SLX4IP: variants seen among roughly 807,000 people sequenced by gnomAD.
The protein encoded by SLX4IP is SLX4 interacting protein.
Under a neutral mutation model 32.9 loss-of-function variants are expected in SLX4IP, and 34 were observed. The observed-to-expected ratio is 1.03, with a 90% CI of 0.79 to 1.38. The LOEUF is 1.38. Among genes scored for constraint, SLX4IP ranks in the 40% most tolerant of loss-of-function variants. SLX4IP has a pLI of 0.00. For missense variants in SLX4IP, 444 were observed against 479.0 expected, an observed-to-expected ratio of 0.93 and a Z score of 0.68; for synonymous variants, 172 against 171.7, an observed-to-expected ratio of 1.00 and a Z score of -0.01.
intron 2 of SLX4IP, among the ~76,000 whole-genome samples, chr20:10,522,822 C>A (rs2065911044): frequency 6.6e-6 from 1 of 152,210 alleles, no homozygotes; most frequent in Admixed American, 6.5e-5. Flanking sequence ...ATCTCTCCTA[C>A]CCCATGGCAC....
chr20:10,607,279 A>ACCCGCT (rs2066915707), intron 6 of SLX4IP, among the ~76,000 whole-genome samples: 1 of 152,126 alleles, frequency 6.6e-6, no homozygotes, highest in Admixed American at 6.5e-5. Context: ...GATGACACTA[A>ACCCGCT]GATATTTGGG....
intron 2 of SLX4IP, among the ~76,000 whole-genome samples, chr20:10,538,902 G>A (rs555240796): frequency 6.6e-6 from 1 of 152,306 alleles, no homozygotes; most frequent in African/African-American, 2.4e-5. Flanking sequence ...GGCACACAGT[G>A]GATTGCAGCC....
At chr20:10,473,963 C>T (rs1052314666) in intron 2 of SLX4IP, among the ~76,000 whole-genome samples, 2 of 152,128 alleles carry the variant, frequency 1.3e-5, no homozygotes, top group Non-Finnish European at 2.9e-5. Flanking sequence ...GCTGGGATTA[C>T]AGACACACGC....
intron 4 of SLX4IP, among the ~76,000 whole-genome samples, chr20:10,588,649 G>A (rs372039311): frequency 1.3e-5 from 2 of 152,322 alleles, no homozygotes; most frequent in South Asian, 4.1e-4. Flanking sequence ...CATGAAGTAA[G>A]CCAGACATAG....
chr20:10,519,586 G>C (rs1443896812), intron 2 of SLX4IP, among the ~76,000 whole-genome samples: 1 of 152,176 alleles, frequency 6.6e-6, no homozygotes, highest in Admixed American at 6.5e-5. Context: ...ATTCCATTGT[G>C]TGGATACATC....
intron 6 of SLX4IP, among the ~76,000 whole-genome samples, chr20:10,609,721 G>A (rs1012650246): frequency 1.5e-4 from 23 of 152,120 alleles, no homozygotes; most frequent in African/African-American, 5.6e-4. Context: ...TCATCATCCC[G>A]AAAGAGGTCT....
In SLX4IP at chr20:10,602,272, G is replaced by A. The variant is rs2066850536; in HGVS notation, c.405+453G>A. ...CAGTGTATTATTTCATAGCTGATAG[G>A]GTTCATTTTCTCCCTCTCTCTCTCT... On this transcript the variant is annotated intron_variant, in intron 6 of 7. Transcript: ENST00000334534. Among the ~76,000 whole-genome samples, 4 of 151,316 alleles carry A rather than the reference G, an allele frequency of 2.6e-5. No individual in the cohort carries two copies. In the Middle Eastern group the frequency reaches 0.014, roughly 515 times the overall value.
intron 4 of SLX4IP, among the ~76,000 whole-genome samples, chr20:10,576,512 A>G (rs1191093815): frequency 6.6e-6 from 1 of 152,206 alleles, no homozygotes; most frequent in East Asian, 1.9e-4. Flanking sequence ...CACATAACCT[A>G]ATGGGAAACT....
intron 3 of SLX4IP, 104 bp downstream of exon 3, chr20:10,556,424 C>T (rs1289373754): frequency 8.0e-6 from 9 of 1,126,604 alleles, no homozygotes; most frequent in African/African-American, 1.6e-5. Context: ...AAAAATGTTG[C>T]GTATTTAATC....
intron 1 of SLX4IP, among the ~76,000 whole-genome samples, chr20:10,444,877 T>C (rs1008215862): frequency 2.0e-5 from 3 of 151,958 alleles, no homozygotes; most frequent in South Asian, 2.1e-4. Flanking sequence ...ACATATAAAT[T>C]TGGGGGGATA....
rs116375648 is a variant in SLX4IP, at chr20:10,564,798, T to C, written c.238+3978T>C. ...TCAGTATCAGTAAAAATTAATGGTATAAGGCTTTTTAAAGACTTGACTGTC... is the reference window on the plus strand; with the variant it reads ...TCAGTATCAGTAAAAATTAATGGTACAAGGCTTTTTAAAGACTTGACTGTC... On this transcript the variant is annotated intron_variant, in intron 4 of 7. Coordinates refer to ENST00000334534, the MANE Select transcript of SLX4IP (RefSeq NM_001009608.3). 5.5e-3 allele frequency among the ~76,000 whole-genome samples: 844 copies of C among 152,320 alleles called. 6 individuals are homozygous for C. The highest frequency in any genetic ancestry group is 0.019 in the African/African-American group (799 of 41,570).
chr20:10,544,499 C>A (rs773889318), intron 2 of SLX4IP, among the ~76,000 whole-genome samples: 4 of 152,178 alleles, frequency 2.6e-5, no homozygotes, highest in Non-Finnish European at 4.4e-5. Flanking sequence ...GATTCTCCCA[C>A]CTCAGCCTCC....
chr20:10,439,286 G>A (rs2065141906), intron 1 of SLX4IP, among the ~76,000 whole-genome samples: 3 of 151,932 alleles, frequency 2.0e-5, no homozygotes, highest in Admixed American at 6.6e-5. Flanking sequence ...TCAGCTCGCT[G>A]CAGCCTCCAC....
intron 2 of SLX4IP, among the ~76,000 whole-genome samples, chr20:10,480,063 C>T (rs1264862138): frequency 1.3e-5 from 2 of 151,398 alleles, no homozygotes; most frequent in African/African-American, 4.9e-5. Context: ...TAAAAAATGA[C>T]CTATTTATTT....
intron 6 of SLX4IP, chr20:10,613,984 C>T (rs146569233): frequency 8.9e-5 from 108 of 1,207,948 alleles, no homozygotes; most frequent in Non-Finnish European, 1.2e-4. Flanking sequence ...CCCTGCTCAT[C>T]GTACACTGCT....
intron 4 of SLX4IP, among the ~76,000 whole-genome samples, chr20:10,594,465 C>G (rs533650916): frequency 3.3e-5 from 5 of 152,310 alleles, no homozygotes; most frequent in Non-Finnish European, 7.4e-5. Flanking sequence ...GAGAGGACTT[C>G]CCACTGTTAC....
At chr20:10,549,930 A>G (rs966432491) in intron 2 of SLX4IP, among the ~76,000 whole-genome samples, 5 of 152,236 alleles carry the variant, frequency 3.3e-5, no homozygotes, top group Non-Finnish European at 7.3e-5. Flanking sequence ...TTGTGGTAAT[A>G]TGAAAATATT....
At chr20:10,488,454 T>C (rs2065592818) in intron 2 of SLX4IP, among the ~76,000 whole-genome samples, 1 of 152,170 alleles carries the variant, frequency 6.6e-6, no homozygotes, top group African/African-American at 2.4e-5. Flanking sequence ...TAATTTCAGC[T>C]TCTGGCCTCT....
At chr20:10,474,532 C>T (rs1024792668) in intron 2 of SLX4IP, among the ~76,000 whole-genome samples, 6 of 152,132 alleles carry the variant, frequency 3.9e-5, no homozygotes, top group Admixed American at 6.5e-5. Context: ...TGATGTCCTC[C>T]ATTTACATCT....
Sources: gnomAD v4.1 joint callset for allele counts (sites outside exome capture counted in the v4.1 genomes callset) on GRCh38, gnomAD v4.1.1 for gene constraint, MANE v1.5 for transcripts, NCBI Gene and HGNC (gene_info 2026-07-23, HGNC 2026-07-21) for gene names.